MON2: variants seen among roughly 807,000 people sequenced by gnomAD.
MON2 encodes protein MON2 homolog.
MON2 carries 84 observed loss-of-function variants against 208.6 expected under a neutral mutation model. That is an observed-to-expected ratio of 0.40 (90% CI 0.34 to 0.48). MON2 has a LOEUF of 0.48. Among genes scored for constraint, MON2 ranks in the 20% least tolerant of loss-of-function variants. The pLI, the probability that MON2 is intolerant of heterozygous loss-of-function variation, is 0.59. For synonymous variants in MON2, 660 were observed against 694.0 expected, an observed-to-expected ratio of 0.95 and a Z score of 0.77; for missense variants, 1,611 against 2,015.4, an observed-to-expected ratio of 0.80 and a Z score of 3.84.
At chr12:62,521,959 A>G (rs1209436282) in intron 8 of MON2, among the ~76,000 whole-genome samples, 1 of 152,200 alleles carries the variant, frequency 6.6e-6, no homozygotes, top group Non-Finnish European at 1.5e-5. Context: ...TTGGAAGGCC[A>G]AGGCGGGTGG....
intron 15 of MON2, 112 bp from the exon 16 acceptor site, chr12:62,537,490 T>G (rs986142234): frequency 1.2e-5 from 10 of 821,258 alleles, no homozygotes; most frequent in African/African-American, 1.8e-5. Flanking sequence ...CCAAATCTTT[T>G]TCTTAATTTT....
intron 24 of MON2, 118 bp from the exon 25 acceptor site, chr12:62,555,876 A>G: frequency 1.4e-6 from 1 of 734,254 alleles, no homozygotes; most frequent in South Asian, 1.8e-5. Context: ...ATAGGGATTG[A>G]TAAGACTGTC....
At chr12:62,541,932 A>C (rs1325970791) in intron 19 of MON2, among the ~76,000 whole-genome samples, 2 of 152,200 alleles carry the variant, frequency 1.3e-5, no homozygotes, top group Admixed American at 1.3e-4. Context: ...GCACTTTCTA[A>C]CATTAGATAG....
chr12:62,573,872 A>T (rs2074687475), intron 30 of MON2, among the ~76,000 whole-genome samples: 1 of 152,212 alleles, frequency 6.6e-6, no homozygotes, highest in South Asian at 2.1e-4. Flanking sequence ...ATGCAGTTGT[A>T]GTATAATTTC....
chr12:62,574,600 AT>A (rs1016667039), intron 30 of MON2, among the ~76,000 whole-genome samples: 6 of 152,220 alleles, frequency 3.9e-5, no homozygotes, highest in African/African-American at 1.4e-4. Flanking sequence ...GCTTGGAGTT[AT>A]TTTTAATGGC....
At chr12:62,581,092 A>C (rs904925031) in intron 32 of MON2, among the ~76,000 whole-genome samples, 1 of 152,240 alleles carries the variant, frequency 6.6e-6, no homozygotes, top group African/African-American at 2.4e-5. Flanking sequence ...AGGTTGAAAA[A>C]ATTGCTCACA....
At chr12:62,558,801 G>A (rs987113100) in intron 25 of MON2, among the ~76,000 whole-genome samples, 3 of 151,264 alleles carry the variant, frequency 2.0e-5, no homozygotes, top group African/African-American at 7.3e-5. Context: ...AGGTTCAAGC[G>A]ATTCTCTTGC....
intron 29 of MON2, among the ~76,000 whole-genome samples, chr12:62,569,847 C>T (rs2074521498): frequency 6.6e-6 from 1 of 152,082 alleles, no homozygotes; most frequent in Admixed American, 6.5e-5. Context: ...TTAATGAAGG[C>T]ACATTTCAAG....
chr12:62,505,935 T>C (rs1414930328), intron 7 of MON2, among the ~76,000 whole-genome samples: 1 of 151,850 alleles, frequency 6.6e-6, no homozygotes, highest in Non-Finnish European at 1.5e-5. Context: ...TCTGATAAGA[T>C]GAAAACTGGA....
chr12:62,467,726 G>A (rs1033210747), intron 1 of MON2, among the ~76,000 whole-genome samples: 4 of 152,120 alleles, frequency 2.6e-5, no homozygotes, highest in Non-Finnish European at 5.9e-5. Context: ...TCACTGAATT[G>A]GAAACAATTT....
Position 62,467,053 on chromosome 12 carries a change from C to T in MON2, c.-155C>T. ...GTGTTGCGGGGAAGCTGCTGGGGGACGCTCGAGCAGGCTCCGGGTTCGCAG... is the reference window on the plus strand; with the variant it reads ...GTGTTGCGGGGAAGCTGCTGGGGGATGCTCGAGCAGGCTCCGGGTTCGCAG... On this transcript the variant is annotated 5_prime_UTR_variant, in exon 1 of 35. It adds an upstream start codon to the 5' untranslated region. Coordinates refer to ENST00000393630, the MANE Select transcript of MON2 (RefSeq NM_015026.3). 1 of 602,764 alleles carries T rather than the reference C, an allele frequency of 1.7e-6. No individual in the cohort carries two copies. Among genetic ancestry groups the T allele is most frequent in the East Asian group, 2.9e-5 (1 of 34,028 alleles). 37.3% of individuals were successfully genotyped at this position (602,764 alleles called of 1,614,324 possible).
At chr12:62,580,175 T>TTCTTTAAAGGAGAGTTC in intron 31 of MON2, 122 bp from the exon 32 acceptor site, 1 of 912,284 alleles carries the variant, frequency 1.1e-6, no homozygotes, top group Non-Finnish European at 1.7e-6. Context: ...GTTTGTGTAC[T>TTCTTTAAAGGAGAGTTC]TCTTTAAAGG....
intron 31 of MON2, among the ~76,000 whole-genome samples, chr12:62,578,807 G>T (rs185284397): frequency 6.6e-6 from 1 of 152,292 alleles, no homozygotes; most frequent in African/African-American, 2.4e-5. Context: ...GCATATATTT[G>T]AGAGCTTACT....
At chr12:62,499,621 C>A (rs1351197052) in intron 5 of MON2, among the ~76,000 whole-genome samples, 3 of 152,014 alleles carry the variant, frequency 2.0e-5, no homozygotes, top group Non-Finnish European at 4.4e-5. Context: ...TGCCTGTAAT[C>A]GTAGCATTTT....
chr12:62,525,294 T>C (rs1341636394), intron 10 of MON2, 74 bp downstream of exon 10: 3 of 1,500,250 alleles, frequency 2.0e-6, no homozygotes, highest in Non-Finnish European at 2.7e-6. Flanking sequence ...GAGAGGATAT[T>C]ATGAAATTCT....
chr12:62,489,872 T>G (rs2070018611), intron 2 of MON2, among the ~76,000 whole-genome samples: 1 of 152,106 alleles, frequency 6.6e-6, no homozygotes, highest in South Asian at 2.1e-4. Context: ...CAGAACTAGA[T>G]TTTAAGCATT....
intron 14 of MON2, 43 bp downstream of exon 14, chr12:62,535,752 A>T: frequency 1.3e-6 from 2 of 1,494,496 alleles, no homozygotes; most frequent in African/African-American, 1.4e-5. Context: ...TAGTGGGATG[A>T]TATGGTGTAG....
intron 1 of MON2, among the ~76,000 whole-genome samples, 163 bp from the exon 2 acceptor site, chr12:62,484,007 A>G (rs1314132003): frequency 6.6e-6 from 1 of 152,252 alleles, no homozygotes; most frequent in Non-Finnish European, 1.5e-5. Flanking sequence ...TTTAACGTAT[A>G]TGTCACTACT....
chr12:62,579,872 A>G (rs142734832), intron 31 of MON2, among the ~76,000 whole-genome samples: 25 of 152,358 alleles, frequency 1.6e-4, no homozygotes, highest in African/African-American at 5.3e-4. Flanking sequence ...GAGATAAACT[A>G]TTTGACAAAA....
Sources: allele counts gnomAD v4.1 joint callset (sites outside exome capture counted in the v4.1 genomes callset), GRCh38; gene constraint gnomAD v4.1.1; transcripts MANE v1.5; gene names NCBI Gene and HGNC (gene_info 2026-07-23, HGNC 2026-07-21).